Variants in LINC00305 observed in about 807,000 individuals in gnomAD.
LINC00305 encodes the protein long intergenic non-protein coding RNA 305.
At chr18:64,080,468 C>A in intron 3 of LINC00305, 1 of 299,050 alleles carries the variant, frequency 3.3e-6, no homozygotes, top group Non-Finnish European at 6.9e-6. Context: ...TCAAATGATT[C>A]CAAATTCATA....
intron 1 of LINC00305, among the ~76,000 whole-genome samples, chr18:64,136,986 C>A (rs1486592382): frequency 1.3e-5 from 2 of 152,208 alleles, no homozygotes; most frequent in Non-Finnish European, 2.9e-5. Context: ...GCACCCCTCC[C>A]CAAATCCATG....
At chr18:64,100,650 T>C (rs1159691130) in intron 1 of LINC00305, among the ~76,000 whole-genome samples, 1 of 152,222 alleles carries the variant, frequency 6.6e-6, no homozygotes, top group Non-Finnish European at 1.5e-5. Context: ...AATGTTCTCT[T>C]TTTTTCTCTG....
rs149415825 is a variant in LINC00305, at chr18:64,147,631, T to C, written n.314+1144A>G. ...GATGGACAAAGTCCATCTCAGTCTC[T>C]CTTGAATTAAAATGTGTCAGCTTGA... On this transcript the variant is annotated intron_variant and non_coding_transcript_variant, in intron 1 of 3. Coordinates refer to ENST00000666468, the Ensembl canonical transcript of LINC00305. 1.2e-3 allele frequency among the ~76,000 whole-genome samples: 181 copies of C among 152,296 alleles called. 1 individual carries two copies. Among genetic ancestry groups the C allele is most frequent in the African/African-American group, 4.0e-3 (167 of 41,568 alleles).
chr18:64,144,698 C>T (rs914020036), intron 1 of LINC00305, among the ~76,000 whole-genome samples: 4 of 151,988 alleles, frequency 2.6e-5, no homozygotes, highest in Non-Finnish European at 4.4e-5. Context: ...GAAACTACTG[C>T]TATGGAATAA....
chr18:64,103,188 G>A (rs2051274612), intron 1 of LINC00305, among the ~76,000 whole-genome samples: 1 of 152,044 alleles, frequency 6.6e-6, no homozygotes, highest in African/African-American at 2.4e-5. Context: ...ATATACATTT[G>A]TCCACGTGTG....
At chr18:64,097,155 C>A (rs1344111897) in intron 3 of LINC00305, among the ~76,000 whole-genome samples, 1 of 151,834 alleles carries the variant, frequency 6.6e-6, no homozygotes, top group Non-Finnish European at 1.5e-5. Flanking sequence ...ATATAACTAT[C>A]CATATGTGAT....
intron 3 of LINC00305, among the ~76,000 whole-genome samples, chr18:64,090,598 A>G (rs1788469771): frequency 6.6e-6 from 1 of 152,242 alleles, no homozygotes; most frequent in Non-Finnish European, 1.5e-5. Flanking sequence ...GACTTGGTGC[A>G]GAATGAAAAT....
intron 1 of LINC00305, among the ~76,000 whole-genome samples, chr18:64,135,664 C>A (rs1386150509): frequency 6.6e-6 from 1 of 152,180 alleles, no homozygotes. Flanking sequence ...CAGCTCGCTG[C>A]AGCCTCCACC....
intron 1 of LINC00305, among the ~76,000 whole-genome samples, chr18:64,103,578 C>T (rs1599212260): frequency 1.3e-5 from 2 of 152,288 alleles, no homozygotes; most frequent in South Asian, 4.1e-4. Context: ...CTTAAAAATG[C>T]ATGTCTTTAT....
chr18:64,091,337 G>T (rs542486973), intron 3 of LINC00305, among the ~76,000 whole-genome samples: 1 of 152,258 alleles, frequency 6.6e-6, no homozygotes. Flanking sequence ...ATGGAGCATT[G>T]CCCACACAGT....
intron 3 of LINC00305, among the ~76,000 whole-genome samples, chr18:64,087,206 A>T (rs1289857729): frequency 6.6e-6 from 1 of 152,198 alleles, no homozygotes; most frequent in Non-Finnish European, 1.5e-5. Flanking sequence ...AATCCTGAAA[A>T]ACTGTATTTT....
At chr18:64,132,400 G>A (rs2051413619) in intron 1 of LINC00305, among the ~76,000 whole-genome samples, 1 of 152,072 alleles carries the variant, frequency 6.6e-6, no homozygotes, top group Non-Finnish European at 1.5e-5. Context: ...GATAAAAAGG[G>A]GTGCCTCATT....
chr18:64,101,497 C>G (rs1367721941), intron 1 of LINC00305, among the ~76,000 whole-genome samples: 2 of 152,202 alleles, frequency 1.3e-5, no homozygotes, highest in Non-Finnish European at 2.9e-5. Flanking sequence ...CCCCCATTGT[C>G]ACATGGTATT....
chr18:64,148,802 G>C (rs1036102904), exon 1 of LINC00305: 1 of 152,120 alleles, frequency 6.6e-6, no homozygotes, highest in Non-Finnish European at 1.5e-5. Context: ...GGTTCCTCTG[G>C]TGTGGTCAAT....
intron 3 of LINC00305, among the ~76,000 whole-genome samples, chr18:64,096,929 G>A (rs1287440187): frequency 1.4e-4 from 21 of 151,774 alleles, no homozygotes; most frequent in Admixed American, 1.4e-3. Flanking sequence ...AAAATAACTA[G>A]AGGAATAATA....
chr18:64,093,553 C>T (rs1218909707), intron 3 of LINC00305, among the ~76,000 whole-genome samples: 3 of 152,106 alleles, frequency 2.0e-5, no homozygotes, highest in Non-Finnish European at 2.9e-5. Context: ...AGGTTGGTCT[C>T]GAATTCCTGA....
intron 1 of LINC00305, among the ~76,000 whole-genome samples, chr18:64,128,974 TA>T (rs2051397562): frequency 6.6e-6 from 1 of 152,174 alleles, no homozygotes; most frequent in African/African-American, 2.4e-5. Flanking sequence ...GGATCAATTG[TA>T]AAAATACTTT....
At chr18:64,100,743 G>A (rs910503675) in intron 1 of LINC00305, among the ~76,000 whole-genome samples, 5 of 152,148 alleles carry the variant, frequency 3.3e-5, no homozygotes, top group Non-Finnish European at 7.3e-5. Context: ...AGAGACTCGT[G>A]CACCTGTGTG....
intron 1 of LINC00305, among the ~76,000 whole-genome samples, chr18:64,125,285 C>T (rs2051379747): frequency 6.6e-6 from 1 of 152,080 alleles, no homozygotes; most frequent in South Asian, 2.1e-4. Context: ...CTCAGTGATT[C>T]CCTGGGCATC....
Sources: allele counts gnomAD v4.1 joint callset (sites outside exome capture counted in the v4.1 genomes callset), GRCh38; gene constraint gnomAD v4.1.1; transcripts MANE v1.5; gene names NCBI Gene and HGNC (gene_info 2026-07-23, HGNC 2026-07-21).